DLGAP2: variants seen among roughly 807,000 people sequenced by gnomAD.
DLGAP2 encodes the protein DLG associated protein 2, also known as disks large-associated protein 2.
Under a neutral mutation model 100.3 loss-of-function variants are expected in DLGAP2, and 26 were observed. The ratio of observed to expected loss-of-function variants is 0.26; its 90% CI spans 0.19 to 0.36. The LOEUF (loss-of-function observed/expected upper bound fraction) is 0.36. DLGAP2 is among the 10% of genes least tolerant of loss of function. The pLI is 1.00. For synonymous variants in DLGAP2, 886 were observed against 630.1 expected (o/e 1.41, Z -6.08); for missense variants, 1,858 against 1,453.2 (o/e 1.28, Z -4.53).
intron 3 of DLGAP2, among the ~76,000 whole-genome samples, chr8:1,491,731 C>G (rs1799397109): frequency 6.6e-6 from 1 of 152,196 alleles, no homozygotes; most frequent in African/African-American, 2.4e-5. Context: ...ACGATTTCCT[C>G]TTGAAGTTAG....
intron 6 of DLGAP2, among the ~76,000 whole-genome samples, chr8:1,594,374 A>C (rs2956935): frequency 0.31 from 47,411 of 151,970 alleles, 7,955 homozygotes; most frequent in East Asian, 0.53. Context: ...ATGAGAATTT[A>C]AGTAAAGTGA....
At chr8:976,963 C>T (rs994561069) in intron 2 of DLGAP2, among the ~76,000 whole-genome samples, 38 of 152,164 alleles carry the variant, frequency 2.5e-4, no homozygotes, top group Admixed American at 2.2e-3. Context: ...TTAAAAACTT[C>T]TTTGTGAAGA....
chr8:1,247,045 C>T (rs28474743), intron 2 of DLGAP2: 80 of 177,512 alleles, frequency 4.5e-4, no homozygotes, highest in African/African-American at 7.7e-4. Context: ...CATCGGTGGC[C>T]GGGAAGACCT....
intron 3 of DLGAP2, among the ~76,000 whole-genome samples, chr8:1,321,115 G>T (rs1376729727): frequency 6.6e-6 from 1 of 152,084 alleles, no homozygotes; most frequent in Non-Finnish European, 1.5e-5. Context: ...GCCTCTGTGT[G>T]TGTGTGCATC....
At chr8:777,571 G>C (rs1271193112) in intron 1 of DLGAP2, among the ~76,000 whole-genome samples, 1 of 152,038 alleles carries the variant, frequency 6.6e-6, no homozygotes, top group Non-Finnish European at 1.5e-5. Context: ...CTCAGCATTT[G>C]CTTGTCTGTA....
At chr8:1,654,706 T>C (rs935152244) in intron 8 of DLGAP2, among the ~76,000 whole-genome samples, 9 of 152,060 alleles carry the variant, frequency 5.9e-5, no homozygotes, top group African/African-American at 2.2e-4. Context: ...GTGTCCTACT[T>C]ATCAATTGGA....
chr8:1,606,971 C>T (rs1470210914), intron 6 of DLGAP2, among the ~76,000 whole-genome samples: 1 of 152,224 alleles, frequency 6.6e-6, no homozygotes, highest in Non-Finnish European at 1.5e-5. Context: ...AGGCGTGAGC[C>T]ACAGCACCCG....
At chr8:1,185,454 T>A (rs1797479298) in intron 2 of DLGAP2, among the ~76,000 whole-genome samples, 1 of 152,092 alleles carries the variant, frequency 6.6e-6, no homozygotes, top group Non-Finnish European at 1.5e-5. Context: ...TGGTTTAAGA[T>A]GCAAGTAGGA....
intron 4 of DLGAP2, among the ~76,000 whole-genome samples, chr8:1,502,492 C>T (rs939695877): frequency 1.3e-5 from 2 of 152,168 alleles, no homozygotes; most frequent in Non-Finnish European, 2.9e-5. Context: ...TAAAGGATGA[C>T]CGTCCATTAT....
intron 1 of DLGAP2, among the ~76,000 whole-genome samples, chr8:865,411 G>A (rs888172792): frequency 1.3e-5 from 2 of 152,198 alleles, no homozygotes; most frequent in African/African-American, 4.8e-5. Flanking sequence ...TTTCTGGGAT[G>A]TGTCTTGATT....
chr8:1,627,618 T>C (rs983039461), intron 7 of DLGAP2, among the ~76,000 whole-genome samples: 1 of 152,268 alleles, frequency 6.6e-6, no homozygotes, highest in African/African-American at 2.4e-5. Flanking sequence ...TTGAAAACAG[T>C]GCTTGAGCTG....
intron 5 of DLGAP2, among the ~76,000 whole-genome samples, chr8:1,560,022 A>G (rs149847742): frequency 1.4e-3 from 219 of 152,274 alleles, no homozygotes; most frequent in Middle Eastern, 0.01. Flanking sequence ...TTTCATGTCC[A>G]TCTCCTGTAC....
intron 8 of DLGAP2, among the ~76,000 whole-genome samples, chr8:1,647,086 G>A (rs1467604345): frequency 4.6e-5 from 7 of 152,188 alleles, no homozygotes; most frequent in African/African-American, 1.7e-4. Flanking sequence ...AAGGCCTGTG[G>A]ACTGATGGTT....
intron 4 of DLGAP2, among the ~76,000 whole-genome samples, chr8:1,532,922 G>A (rs1306414243): frequency 9.2e-5 from 14 of 151,978 alleles, no homozygotes; most frequent in African/African-American, 7.3e-5. Context: ...TCCACCTGCC[G>A]AGCACCACGT....
intron 8 of DLGAP2, among the ~76,000 whole-genome samples, chr8:1,658,794 T>C (rs1345977740): frequency 6.6e-6 from 1 of 152,104 alleles, no homozygotes; most frequent in Non-Finnish European, 1.5e-5. Flanking sequence ...CCTGGATTCA[T>C]TGATGTTTGG....
intron 2 of DLGAP2, among the ~76,000 whole-genome samples, chr8:1,079,195 T>C (rs967494825): frequency 5.9e-5 from 9 of 152,218 alleles, no homozygotes; most frequent in Admixed American, 1.3e-4. Flanking sequence ...TCTACATATG[T>C]TCCTTGGTGA....
chr8:1,573,336 G>A, intron 6 of DLGAP2, among the ~76,000 whole-genome samples: 1 of 133,542 alleles, frequency 7.5e-6, no homozygotes, highest in Non-Finnish European at 1.6e-5. Flanking sequence ...CATCTGATGA[G>A]ATGGAGGGGA....
At chr8:799,773 T>G (rs1387820819) in intron 1 of DLGAP2, among the ~76,000 whole-genome samples, 1 of 152,122 alleles carries the variant, frequency 6.6e-6, no homozygotes. Context: ...ATTTTTAATT[T>G]CTTTGTTGAG....
chr8:1,505,922 A>C (rs1416105624), intron 4 of DLGAP2, among the ~76,000 whole-genome samples: 1 of 152,264 alleles, frequency 6.6e-6, no homozygotes, highest in African/African-American at 2.4e-5. Context: ...TGATAAATGA[A>C]TGCAAAATGA....
Sources: gnomAD v4.1 joint callset for allele counts (sites outside exome capture counted in the v4.1 genomes callset) on GRCh38, gnomAD v4.1.1 for gene constraint, MANE v1.5 for transcripts, NCBI Gene and HGNC (gene_info 2026-07-23, HGNC 2026-07-21) for gene names.